The following RBFOX1 variants were observed in gnomAD, a reference collection of about 807,000 sequenced individuals.
RBFOX1 encodes RNA binding protein fox-1 homolog 1.
A neutral mutation model predicts 57.7 loss-of-function variants in RBFOX1; 8 were observed. The ratio of observed to expected loss-of-function variants is 0.14; its 90% CI spans 0.08 to 0.25. RBFOX1 has a LOEUF of 0.25. RBFOX1 is among the 10% of genes least tolerant of loss of function. The pLI is 1.00. For missense variants in RBFOX1, 611 were observed against 548.5 expected, an observed-to-expected ratio of 1.11 and a Z score of -1.14; for synonymous variants, 326 against 222.4, an observed-to-expected ratio of 1.47 and a Z score of -4.15.
At chr16:5,594,462 G>A (rs1290428969) in intron 2 of RBFOX1, among the ~76,000 whole-genome samples, 3 of 152,158 alleles carry the variant, frequency 2.0e-5, no homozygotes, top group East Asian at 1.9e-4. Context: ...TCAGAGCATA[G>A]TTTGATTTTA....
intron 3 of RBFOX1, among the ~76,000 whole-genome samples, chr16:5,694,453 A>G (rs2050788268): frequency 6.6e-6 from 1 of 152,174 alleles, no homozygotes; most frequent in African/African-American, 2.4e-5. Context: ...CTTCTGAATG[A>G]TACCCACTTG....
intron 4 of RBFOX1, among the ~76,000 whole-genome samples, chr16:7,257,794 A>G (rs1204833328): frequency 6.6e-6 from 1 of 152,234 alleles, no homozygotes; most frequent in Admixed American, 6.5e-5. Flanking sequence ...GAGGGCTGCA[A>G]GAGCTATCAT....
chr16:7,478,363 A>G (rs1261550005), intron 4 of RBFOX1, among the ~76,000 whole-genome samples: 1 of 152,196 alleles, frequency 6.6e-6, no homozygotes, highest in Non-Finnish European at 1.5e-5. Context: ...GCCCAAGGGA[A>G]AAAAATACAT....
At chr16:6,822,814 C>G (rs1327555623) in intron 3 of RBFOX1, among the ~76,000 whole-genome samples, 1 of 152,152 alleles carries the variant, frequency 6.6e-6, no homozygotes, top group Non-Finnish European at 1.5e-5. Flanking sequence ...CAGGTTAAGC[C>G]TTTTGAGAGC....
intron 2 of RBFOX1, among the ~76,000 whole-genome samples, chr16:6,425,054 A>T (rs1160657576): frequency 6.6e-6 from 1 of 152,202 alleles, no homozygotes; most frequent in Non-Finnish European, 1.5e-5. Flanking sequence ...GTGTTGTTTA[A>T]TATCTTTGCA....
At chr16:5,867,780 C>T (rs373605891) in intron 4 of RBFOX1, among the ~76,000 whole-genome samples, 4 of 152,076 alleles carry the variant, frequency 2.6e-5, no homozygotes, top group South Asian at 2.1e-4. Flanking sequence ...GGCATGATGT[C>T]GGCTCACTGC....
intron 3 of RBFOX1, among the ~76,000 whole-genome samples, chr16:6,898,225 C>A (rs1329392322): frequency 6.6e-6 from 1 of 152,070 alleles, no homozygotes; most frequent in Admixed American, 6.6e-5. Context: ...CATGGCCGCC[C>A]CTTTGGCATC....
chr16:7,118,012 A>T (rs565366305), intron 4 of RBFOX1, among the ~76,000 whole-genome samples: 1 of 152,318 alleles, frequency 6.6e-6, no homozygotes, highest in South Asian at 2.1e-4. Flanking sequence ...TCTCTTTGCA[A>T]TTGTGAATTG....
At chr16:5,290,412 T>C (rs564568398) in intron 1 of RBFOX1, among the ~76,000 whole-genome samples, 20 of 152,274 alleles carry the variant, frequency 1.3e-4, no homozygotes, top group Admixed American at 4.6e-4. Context: ...TACCTGCTAA[T>C]GGATACAGGG....
chr16:7,141,542 T>A (rs927307956), intron 4 of RBFOX1, among the ~76,000 whole-genome samples: 1 of 152,226 alleles, frequency 6.6e-6, no homozygotes. Flanking sequence ...ATTGTTATTT[T>A]ATTTTTATTT....
At chr16:6,196,743 G>T (rs757848087) in intron 1 of RBFOX1, among the ~76,000 whole-genome samples, 1 of 151,156 alleles carries the variant, frequency 6.6e-6, no homozygotes, top group Non-Finnish European at 1.5e-5. Context: ...TAATACAAGC[G>T]ATATAAATGG....
intron 2 of RBFOX1, among the ~76,000 whole-genome samples, chr16:5,545,632 C>T (rs1022420721): frequency 2.6e-5 from 4 of 151,664 alleles, no homozygotes; most frequent in African/African-American, 4.8e-5. Context: ...TACAGAAAAA[C>T]GTAAGAATTT....
intron 3 of RBFOX1, among the ~76,000 whole-genome samples, chr16:6,806,836 A>ATATATATATATTTTTT (rs754342591): frequency 1.1e-5 from 1 of 91,904 alleles, no homozygotes; most frequent in Non-Finnish European, 2.1e-5. Context: ...ATATATATAT[A>ATATATATATATTTTTT]TTTTTTTTTT....
chr16:5,584,349 A>G (rs946583224), intron 2 of RBFOX1, among the ~76,000 whole-genome samples: 9 of 152,250 alleles, frequency 5.9e-5, no homozygotes, highest in African/African-American at 2.2e-4. Context: ...TGAGCCAGAA[A>G]TATGTCGGAG....
In RBFOX1 at chr16:6,030,497, A is replaced by T. The variant is rs1017443248; in HGVS notation, c.-127+10505A>T. Among the ~76,000 whole-genome samples, 10 of 152,134 alleles carry T rather than the reference A, an allele frequency of 6.6e-5. No homozygotes were observed. The East Asian group carries it at 1.9e-3, about 29-fold the overall frequency. On this transcript the variant is annotated intron_variant, in intron 1 of 15. Coordinates refer to ENST00000550418, the MANE Select transcript of RBFOX1 (RefSeq NM_018723.4). The stretch of plus-strand genomic sequence containing the variant: ...TTTATTTCTCTACCCTTCCATTTTA[A>T]TTTTCTCTTTTTATTGTGATGTATG...
intron 1 of RBFOX1, among the ~76,000 whole-genome samples, chr16:6,091,584 C>A (rs527324048): frequency 1.3e-5 from 2 of 152,298 alleles, no homozygotes; most frequent in African/African-American, 4.8e-5. Flanking sequence ...AATCCCAGGA[C>A]TTTTGAAGGC....
chr16:6,536,602 A>C, intron 2 of RBFOX1, among the ~76,000 whole-genome samples: 1 of 151,666 alleles, frequency 6.6e-6, no homozygotes. Flanking sequence ...GAAGTGTGAT[A>C]AGTCTAATTA....
At chr16:6,540,308 T>C (rs1485680700) in intron 2 of RBFOX1, among the ~76,000 whole-genome samples, 1 of 87,942 alleles carries the variant, frequency 1.1e-5, no homozygotes, top group East Asian at 3.0e-4. Context: ...GCTGGCTGGC[T>C]GTAAAAAAAA....
chr16:6,193,391 A>AAT (rs1567650996), intron 1 of RBFOX1, among the ~76,000 whole-genome samples: 30 of 15,754 alleles, frequency 1.9e-3, no homozygotes, highest in African/African-American at 3.4e-3. Flanking sequence ...ATATATATAT[A>AAT]CTATATATAT....
Sources: allele counts gnomAD v4.1 joint callset (sites outside exome capture counted in the v4.1 genomes callset), GRCh38; gene constraint gnomAD v4.1.1; transcripts MANE v1.5; gene names NCBI Gene and HGNC (gene_info 2026-07-23, HGNC 2026-07-21).